SDK1: variants seen among roughly 807,000 people sequenced by gnomAD.
The protein encoded by SDK1 is protein sidekick-1.
Under a neutral mutation model 245.5 loss-of-function variants are expected in SDK1, and 157 were observed. That is an observed-to-expected ratio of 0.64 (90% CI 0.56 to 0.73). The LOEUF is 0.73. Ranked by LOEUF, SDK1 falls within the 30% of genes least tolerant of loss-of-function variation. The probability of loss-of-function intolerance (pLI) is 0.00; values close to 1 mark genes in which losing one functional copy is unlikely to be tolerated. For synonymous variants in SDK1, 1,647 were observed against 1,278.5 expected, an observed-to-expected ratio of 1.29 and a Z score of -6.15; for missense variants, 3,583 against 3,002.3, an observed-to-expected ratio of 1.19 and a Z score of -4.52.
chr7:3,531,176 GT>G (rs964550347), intron 1 of SDK1, among the ~76,000 whole-genome samples: 2 of 152,166 alleles, frequency 1.3e-5, no homozygotes, highest in African/African-American at 4.8e-5. Flanking sequence ...ACTACATAGG[GT>G]TTGCAGTTGA....
intron 1 of SDK1, among the ~76,000 whole-genome samples, chr7:3,494,915 T>C (rs936381069): frequency 6.6e-5 from 10 of 152,248 alleles, no homozygotes; most frequent in African/African-American, 2.4e-4. Flanking sequence ...TCCTTCTCTC[T>C]ATCTGCAACC....
At chr7:3,690,739 G>A (rs1338744951) in intron 4 of SDK1, among the ~76,000 whole-genome samples, 2 of 152,114 alleles carry the variant, frequency 1.3e-5, no homozygotes, top group Non-Finnish European at 2.9e-5. Flanking sequence ...TATTTTTCAA[G>A]TTGATTATAA....
Position 3,566,098 on chromosome 7 carries a change from A to G in SDK1, c.299-52982A>G, listed in dbSNP as rs1009319863. On this transcript the variant is annotated intron_variant, in intron 1 of 44. Coordinates refer to ENST00000404826, the MANE Select transcript of SDK1 (RefSeq NM_152744.4). ...AAAATGCTAATAAAAGACCAAGATT[A>G]TCTGAGTAAATAGAGTTTTTATTCT... Among the ~76,000 whole-genome samples, 6 of 152,240 alleles carry G rather than the reference A, an allele frequency of 3.9e-5. No individual in the cohort carries two copies. In the South Asian group the frequency reaches 8.3e-4, roughly 21 times the overall value.
intron 5 of SDK1, among the ~76,000 whole-genome samples, chr7:3,846,619 C>A (rs1780284592): frequency 6.6e-6 from 1 of 152,176 alleles, no homozygotes; most frequent in African/African-American, 2.4e-5. Flanking sequence ...TTCTTATTTA[C>A]CTCCCTCCTG....
At chr7:3,864,649 T>C (rs954295375) in intron 5 of SDK1, among the ~76,000 whole-genome samples, 1 of 152,088 alleles carries the variant, frequency 6.6e-6, no homozygotes, top group Non-Finnish European at 1.5e-5. Context: ...CCGTCCAGTC[T>C]CAGACAGCCC....
intron 1 of SDK1, among the ~76,000 whole-genome samples, chr7:3,303,012 A>T (rs1013867996): frequency 1.3e-5 from 2 of 152,084 alleles, no homozygotes; most frequent in African/African-American, 4.8e-5. Context: ...CAACGAACTC[A>T]TACTTTTTTT....
chr7:3,604,182 A>G (rs1003595409), intron 1 of SDK1, among the ~76,000 whole-genome samples: 1 of 152,132 alleles, frequency 6.6e-6, no homozygotes, highest in Non-Finnish European at 1.5e-5. Flanking sequence ...TGGTATCAGG[A>G]TGATGTTGGC....
chr7:3,791,381 G>C (rs1167681774), intron 4 of SDK1, among the ~76,000 whole-genome samples: 3 of 152,118 alleles, frequency 2.0e-5, no homozygotes, highest in Non-Finnish European at 4.4e-5. Flanking sequence ...AAGAAGCTGA[G>C]GCAGAAGCCA....
intron 25 of SDK1, among the ~76,000 whole-genome samples, chr7:4,124,869 GTGGATGGTAGATGAATGGATGGGTGGA>G (rs1784277728): frequency 6.6e-6 from 1 of 151,778 alleles, no homozygotes; most frequent in Non-Finnish European, 1.5e-5. Flanking sequence ...GGATGGATGG[GTGGATGGTAGATGAATGGATGGGTGGA>G]TGGATGGATG....
At chr7:3,303,124 A>C (rs897157490) in intron 1 of SDK1, among the ~76,000 whole-genome samples, 1 of 152,138 alleles carries the variant, frequency 6.6e-6, no homozygotes, top group Non-Finnish European at 1.5e-5. Context: ...ACAAATTGCC[A>C]TATTTCTGGT....
At chr7:3,952,109 A>C in intron 7 of SDK1, 189 bp downstream of exon 7, 1 of 596,744 alleles carries the variant, frequency 1.7e-6, no homozygotes, top group Non-Finnish European at 2.9e-6. Context: ...TTAAATCCAA[A>C]GTGTTGATGT....
At chr7:3,674,230 A>G (rs1416560915) in intron 4 of SDK1, among the ~76,000 whole-genome samples, 1 of 152,194 alleles carries the variant, frequency 6.6e-6, no homozygotes, top group East Asian at 1.9e-4. Flanking sequence ...GTAGTGGGAG[A>G]TAAAGTTAGA....
intron 4 of SDK1, among the ~76,000 whole-genome samples, chr7:3,732,267 G>A (rs1410015192): frequency 6.6e-6 from 1 of 152,190 alleles, no homozygotes; most frequent in Non-Finnish European, 1.5e-5. Flanking sequence ...TTTTCAAATT[G>A]TTGTGATGAA....
chr7:3,909,687 G>A (rs934027221), intron 5 of SDK1, among the ~76,000 whole-genome samples: 5 of 152,166 alleles, frequency 3.3e-5, no homozygotes, highest in East Asian at 1.9e-4. Flanking sequence ...ACAAATACAC[G>A]GCTTTAAAGT....
intron 5 of SDK1, among the ~76,000 whole-genome samples, chr7:3,925,393 G>C (rs139465517): frequency 8.0e-4 from 122 of 152,360 alleles, no homozygotes; most frequent in African/African-American, 2.5e-3. Context: ...AGGAATCGCA[G>C]TCAGTGACGC....
At chr7:3,987,456 AAC>A in intron 14 of SDK1, 134 bp downstream of exon 14, 2 of 914,920 alleles carry the variant, frequency 2.2e-6, no homozygotes, top group Non-Finnish European at 3.4e-6. Flanking sequence ...CAGGGTTTCA[AAC>A]ACAGCCTGCC....
intron 13 of SDK1, among the ~76,000 whole-genome samples, chr7:3,982,912 A>T (rs1783525371): frequency 6.6e-6 from 1 of 151,828 alleles, no homozygotes; most frequent in Non-Finnish European, 1.5e-5. Context: ...AGTTGGGAAG[A>T]AGTTGATTCC....
rs1356824669 is a variant in SDK1 at position 4,042,453 on chromosome 7, C to T, written c.2603-6895C>T. 1.5e-5 allele frequency among the ~76,000 whole-genome samples: 2 copies of T among 136,744 alleles called. 1 individual carries two copies. 89.7% of individuals were successfully genotyped at this position (136,744 alleles called of 152,430 possible). On this transcript the variant is annotated intron_variant, in intron 17 of 44. Coordinates refer to ENST00000404826, the MANE Select transcript of SDK1 (RefSeq NM_152744.4). ...TGGCTGTGAGCATCAAGACAGTGTC[C>T]AATGGGTTTAGGCTGAGAGCCAGCT...
intron 17 of SDK1, among the ~76,000 whole-genome samples, chr7:4,031,331 C>T (rs1214935257): frequency 6.6e-6 from 1 of 152,040 alleles, no homozygotes; most frequent in African/African-American, 2.4e-5. Context: ...GTATATTTTG[C>T]CATATTATTA....
Sources: gnomAD v4.1 joint callset for allele counts (sites outside exome capture counted in the v4.1 genomes callset) on GRCh38, gnomAD v4.1.1 for gene constraint, MANE v1.5 for transcripts, NCBI Gene and HGNC (gene_info 2026-07-23, HGNC 2026-07-21) for gene names.